The following TMEM232 variants were observed in gnomAD, a reference collection of about 807,000 sequenced individuals.
TMEM232 encodes the protein transmembrane protein 232.
In TMEM232, 80 loss-of-function variants were observed where a neutral mutation model predicts 78.8. The ratio of observed to expected loss-of-function variants is 1.01; its 90% CI spans 0.85 to 1.22. The LOEUF (loss-of-function observed/expected upper bound fraction) is 1.22, where lower values mean the gene tolerates loss of function less well. Among genes scored for constraint, TMEM232 ranks in the 50% most tolerant of loss-of-function variants. The pLI, the probability that TMEM232 is intolerant of heterozygous loss-of-function variation, is 0.00. For synonymous variants in TMEM232, 297 were observed against 254.3 expected, an observed-to-expected ratio of 1.17 and a Z score of -1.60; for missense variants, 881 against 742.2, an observed-to-expected ratio of 1.19 and a Z score of -2.17.
intron 11 of TMEM232, among the ~76,000 whole-genome samples, chr5:110,543,345 G>A (rs73783632): frequency 0.039 from 5,899 of 152,072 alleles, 176 homozygotes; most frequent in African/African-American, 0.081. Flanking sequence ...ATTGATGTCC[G>A]TGCCCTTTGT....
At chr5:110,697,247 A>G (rs1011701892) in intron 1 of TMEM232, among the ~76,000 whole-genome samples, 5 of 152,076 alleles carry the variant, frequency 3.3e-5, no homozygotes, top group African/African-American at 1.2e-4. Flanking sequence ...CTAGCCACAC[A>G]TAGAAAGATG....
chr5:110,676,297 G>A (rs2150162868), intron 1 of TMEM232, among the ~76,000 whole-genome samples: 1 of 152,048 alleles, frequency 6.6e-6, no homozygotes, highest in African/African-American at 2.4e-5. Flanking sequence ...GTAGTGGGAT[G>A]GTTGGTTCCT....
intron 12 of TMEM232, among the ~76,000 whole-genome samples, chr5:110,439,220 C>A (rs1191342430): frequency 6.6e-6 from 1 of 152,058 alleles, no homozygotes; most frequent in Non-Finnish European, 1.5e-5. Context: ...TAAAAAAAAT[C>A]TAACACTGAA....
rs200451395 is a variant in TMEM232, at chr5:110,524,416, A to AAAG, written c.1703+4171_1703+4172insCTT. On this transcript the variant is annotated intron_variant, in intron 12 of 13. Transcript: ENST00000455884. ...GAAAGAAAGAAAGAAAGAAAGAAAG[A>AAAG]AAAGAAAAGAAAAGAAAAGAAAAGA... Among the ~76,000 whole-genome samples the AAAG allele has an allele frequency of 3.5e-3, 230 of 65,304 alleles. 1 individual carries two copies. The highest frequency in any genetic ancestry group is 0.021 in the East Asian group (29 of 1,402). The allele number at this position is 65,304 out of a possible 152,430, so 42.8% of individuals were successfully genotyped here. A position where few individuals can be genotyped will look rare whatever the true frequency, so the allele number is the denominator to read the frequency against.
chr5:110,651,942 T>A (rs1049324272), intron 2 of TMEM232, among the ~76,000 whole-genome samples: 1 of 152,186 alleles, frequency 6.6e-6, no homozygotes, highest in Non-Finnish European at 1.5e-5. Flanking sequence ...TGCTTAAGTT[T>A]ATTTTTACTG....
At chr5:110,472,962 T>C (rs1762839616) in intron 12 of TMEM232, among the ~76,000 whole-genome samples, 1 of 151,016 alleles carries the variant, frequency 6.6e-6, no homozygotes, top group South Asian at 2.1e-4. Flanking sequence ...CTCGAAACTA[T>C]GAAAAAACCA....
At chr5:110,604,089 T>C (rs1781263679) in intron 10 of TMEM232, among the ~76,000 whole-genome samples, 1 of 152,180 alleles carries the variant, frequency 6.6e-6, no homozygotes, top group African/African-American at 2.4e-5. Flanking sequence ...ATTATTATGC[T>C]AGATGCTGGG....
intron 12 of TMEM232, among the ~76,000 whole-genome samples, chr5:110,517,517 A>C (rs1768851373): frequency 6.6e-6 from 1 of 152,210 alleles, no homozygotes; most frequent in Admixed American, 6.5e-5. Flanking sequence ...TGTTGTCACC[A>C]AGCTGTAGCT....
intron 11 of TMEM232, among the ~76,000 whole-genome samples, chr5:110,555,116 T>A (rs1300990946): frequency 6.6e-6 from 1 of 152,196 alleles, no homozygotes; most frequent in Non-Finnish European, 1.5e-5. Flanking sequence ...CTTGTTAATT[T>A]GAGATCTTTT....
At chr5:110,655,627 T>G (rs1488886455) in intron 2 of TMEM232, among the ~76,000 whole-genome samples, 1 of 149,116 alleles carries the variant, frequency 6.7e-6, no homozygotes, top group East Asian at 2.0e-4. Context: ...TGCGGCACTA[T>G]TCACAATAGC....
chr5:110,509,844 G>A (rs1767509246), intron 12 of TMEM232, among the ~76,000 whole-genome samples: 1 of 152,060 alleles, frequency 6.6e-6, no homozygotes. Context: ...TTTTAGGAAA[G>A]CCTTTATCTG....
chr5:110,525,563 A>G (rs1457292553), intron 12 of TMEM232, among the ~76,000 whole-genome samples: 2 of 152,000 alleles, frequency 1.3e-5, no homozygotes, highest in African/African-American at 4.8e-5. Flanking sequence ...AAATGGAAAT[A>G]CATGCCATAT....
chr5:110,686,697 T>C (rs1793458648), intron 1 of TMEM232, among the ~76,000 whole-genome samples: 1 of 152,192 alleles, frequency 6.6e-6, no homozygotes, highest in Non-Finnish European at 1.5e-5. Flanking sequence ...GAGAAAATAC[T>C]GTATTTGAAT....
intron 2 of TMEM232, among the ~76,000 whole-genome samples, chr5:110,666,134 C>G (rs961332607): frequency 6.6e-6 from 1 of 151,968 alleles, no homozygotes; most frequent in African/African-American, 2.4e-5. Context: ...GCAAAGAAAA[C>G]AATTGCACTT....
intron 12 of TMEM232, among the ~76,000 whole-genome samples, chr5:110,487,454 G>A (rs1352534995): frequency 6.6e-6 from 1 of 152,200 alleles, no homozygotes; most frequent in East Asian, 1.9e-4. Context: ...GTTTGTCATA[G>A]ATGGCTTTTA....
At chr5:110,416,939 G>A (rs1413466775), downstream of TMEM232, among the ~76,000 whole-genome samples, 1 of 151,876 alleles carries the variant, frequency 6.6e-6, no homozygotes, top group Non-Finnish European at 1.5e-5. Context: ...AATTCTATCA[G>A]GAAAAAAGCT....
intron 10 of TMEM232, among the ~76,000 whole-genome samples, chr5:110,576,813 G>C (rs1053011407): frequency 6.6e-6 from 1 of 152,080 alleles, no homozygotes; most frequent in Non-Finnish European, 1.5e-5. Flanking sequence ...AAATGGTGCT[G>C]AGATAACTGG....
At chr5:110,634,594 AC>A (rs1395520691) in intron 5 of TMEM232, among the ~76,000 whole-genome samples, 10 of 152,190 alleles carry the variant, frequency 6.6e-5, no homozygotes, top group Admixed American at 2.0e-4. Context: ...TTTCTGAACA[AC>A]CACTGGGTCA....
At chr5:110,606,312 TAAAG>T in intron 8 of TMEM232, 25 bp from the exon 9 acceptor site, 1 of 1,498,602 alleles carries the variant, frequency 6.7e-7, no homozygotes, top group Middle Eastern at 1.7e-4. Context: ...GACGAAAGGA[TAAAG>T]ATTTTAATGG....
Sources: gnomAD v4.1 joint callset for allele counts (sites outside exome capture counted in the v4.1 genomes callset) on GRCh38, gnomAD v4.1.1 for gene constraint, MANE v1.5 for transcripts, NCBI Gene and HGNC (gene_info 2026-07-23, HGNC 2026-07-21) for gene names.